RBFOX1: variants seen among roughly 807,000 people sequenced by gnomAD.
RBFOX1 encodes RNA binding protein fox-1 homolog 1.
RBFOX1 carries 8 observed loss-of-function variants against 57.7 expected under a neutral mutation model. That is an observed-to-expected ratio of 0.14 (90% CI 0.08 to 0.25). The LOEUF (loss-of-function observed/expected upper bound fraction) is 0.25, where lower values mean the gene tolerates loss of function less well. RBFOX1 is among the 10% of genes least tolerant of loss of function. RBFOX1 has a pLI of 1.00. For synonymous variants in RBFOX1, 326 were observed against 222.4 expected (o/e 1.47, Z -4.15); for missense variants, 611 against 548.5 (o/e 1.11, Z -1.14).
At chr16:7,611,992 A>G (rs1278934429) in intron 10 of RBFOX1, among the ~76,000 whole-genome samples, 1 of 152,098 alleles carries the variant, frequency 6.6e-6, no homozygotes, top group East Asian at 1.9e-4. Context: ...TTTCTTCTAA[A>G]ATCTAATCAT....
rs1352267208 is a variant in RBFOX1 at position 6,275,889 on chromosome 16, C to G, written c.-126-41106C>G. 2.6e-5 allele frequency among the ~76,000 whole-genome samples: 4 copies of G among 152,244 alleles called. No individual in the cohort carries two copies. The East Asian group carries it at 5.8e-4, about 22-fold the overall frequency. ...TAAACAATTTTGTCATCACCATTTACCAAATAACCCTAATACTTCCCTCCC... is the reference window on the plus strand; with the variant it reads ...TAAACAATTTTGTCATCACCATTTAGCAAATAACCCTAATACTTCCCTCCC... On this transcript the variant is annotated intron_variant, in intron 1 of 15. Transcript: ENST00000550418.
chr16:7,052,252 G>C (rs879917716), intron 4 of RBFOX1, among the ~76,000 whole-genome samples, 154 bp downstream of exon 4: 2 of 152,180 alleles, frequency 1.3e-5, no homozygotes, highest in Non-Finnish European at 2.9e-5. Context: ...ATTTAGTATT[G>C]ATTGAGCTGT....
intron 1 of RBFOX1, among the ~76,000 whole-genome samples, chr16:6,137,417 G>T (rs1426927923): frequency 6.6e-6 from 1 of 152,020 alleles, no homozygotes; most frequent in African/African-American, 2.4e-5. Flanking sequence ...TGATTCTCCT[G>T]CCTCAGTTTC....
At chr16:5,796,016 A>G (rs1398522691) in intron 3 of RBFOX1, among the ~76,000 whole-genome samples, 1 of 152,216 alleles carries the variant, frequency 6.6e-6, no homozygotes, top group Non-Finnish European at 1.5e-5. Flanking sequence ...GGGCTGTGCA[A>G]TGCATTGTAG....
chr16:5,935,113 C>G (rs1289607168), intron 4 of RBFOX1, among the ~76,000 whole-genome samples: 1 of 152,200 alleles, frequency 6.6e-6, no homozygotes, highest in Non-Finnish European at 1.5e-5. Flanking sequence ...GCTTTGCAAA[C>G]CTCCTGGCCT....
At chr16:5,966,998 G>C in intron 4 of RBFOX1, among the ~76,000 whole-genome samples, 1 of 136,452 alleles carries the variant, frequency 7.3e-6, no homozygotes, top group Non-Finnish European at 1.6e-5. Context: ...AATCGGGGGG[G>C]GGGGGGTCAA....
chr16:5,448,290 G>T (rs576773294), intron 1 of RBFOX1, among the ~76,000 whole-genome samples: 2 of 152,068 alleles, frequency 1.3e-5, no homozygotes, highest in Non-Finnish European at 2.9e-5. Flanking sequence ...ACTCTAAACT[G>T]TTCCTCAAAC....
intron 4 of RBFOX1, among the ~76,000 whole-genome samples, chr16:5,906,613 G>T (rs1391388990): frequency 6.6e-6 from 1 of 151,998 alleles, no homozygotes; most frequent in African/African-American, 2.4e-5. Flanking sequence ...TTTCATGGGA[G>T]TGCTCCTGGA....
At chr16:6,233,432 C>T (rs1291383164) in intron 1 of RBFOX1, among the ~76,000 whole-genome samples, 1 of 152,098 alleles carries the variant, frequency 6.6e-6, no homozygotes, top group Non-Finnish European at 1.5e-5. Context: ...CACCTCCACA[C>T]CGCAACCCAA....
chr16:7,280,960 C>T (rs1236044402), intron 4 of RBFOX1, among the ~76,000 whole-genome samples: 4 of 92,454 alleles, frequency 4.3e-5, no homozygotes, highest in African/African-American at 1.3e-4. Context: ...TACCTACCTC[C>T]CTCCCTCCCT....
intron 4 of RBFOX1, among the ~76,000 whole-genome samples, chr16:7,081,276 C>T (rs2059154868): frequency 1.3e-5 from 2 of 152,200 alleles, no homozygotes; most frequent in Admixed American, 1.3e-4. Context: ...CTCAAGTGAT[C>T]CACCAGCCTT....
Position 7,276,548 on chromosome 16 carries a change from T to C in RBFOX1, c.27+224450T>C, listed in dbSNP as rs565476200. Among the ~76,000 whole-genome samples, 15 of 152,160 alleles carry C rather than the reference T, an allele frequency of 9.9e-5. No homozygotes were observed. In the East Asian group the frequency reaches 2.5e-3, roughly 25 times the overall value. On this transcript the variant is annotated intron_variant, in intron 4 of 15. Transcript: ENST00000550418. Reference sequence around the variant, plus strand: ...AATCTAAGTAGGAGGCTTCTATCCTTGACTGATTTTTTTTTAAATTTTTCT... The same window carrying C: ...AATCTAAGTAGGAGGCTTCTATCCTCGACTGATTTTTTTTTAAATTTTTCT...
intron 1 of RBFOX1, among the ~76,000 whole-genome samples, chr16:5,280,886 C>A (rs2063256389): frequency 6.6e-6 from 1 of 151,582 alleles, no homozygotes; most frequent in South Asian, 2.1e-4. Flanking sequence ...TTCAAAAAAC[C>A]AACTTTTATC....
intron 1 of RBFOX1, among the ~76,000 whole-genome samples, chr16:6,234,148 C>G (rs933478): frequency 0.64 from 96,957 of 151,968 alleles, 31,723 homozygotes; most frequent in East Asian, 0.77. Context: ...CCTCTTAAAG[C>G]CCCCACCTCT....
At chr16:6,120,672 A>G (rs1160386769) in intron 1 of RBFOX1, among the ~76,000 whole-genome samples, 1 of 152,202 alleles carries the variant, frequency 6.6e-6, no homozygotes, top group East Asian at 1.9e-4. Context: ...AATTATTAAT[A>G]TTAATTTTCC....
intron 4 of RBFOX1, chr16:7,304,432 G>A (rs980877838): frequency 1.0e-6 from 1 of 985,272 alleles, no homozygotes; most frequent in African/African-American, 1.7e-5. Flanking sequence ...GCTCCCCAAC[G>A]TGGGCATGTG....
At chr16:6,422,283 A>C (rs1032170898) in intron 2 of RBFOX1, among the ~76,000 whole-genome samples, 1 of 149,178 alleles carries the variant, frequency 6.7e-6, no homozygotes, top group Non-Finnish European at 1.5e-5. Context: ...ATGTAGGTGC[A>C]GGTTTGTTAC....
intron 4 of RBFOX1, among the ~76,000 whole-genome samples, chr16:7,470,269 C>G (rs2061328614): frequency 1.3e-5 from 2 of 152,232 alleles, no homozygotes; most frequent in Admixed American, 1.3e-4. Flanking sequence ...TAGACTTCCA[C>G]ATCCTTAGTG....
At chr16:7,393,850 A>G (rs1165548153) in intron 4 of RBFOX1, among the ~76,000 whole-genome samples, 2 of 152,134 alleles carry the variant, frequency 1.3e-5, no homozygotes, top group Admixed American at 1.3e-4. Context: ...TCAGAGAAGA[A>G]TTCAGGTTGT....
Sources: gnomAD v4.1 joint callset for allele counts (sites outside exome capture counted in the v4.1 genomes callset) on GRCh38, gnomAD v4.1.1 for gene constraint, MANE v1.5 for transcripts, NCBI Gene and HGNC (gene_info 2026-07-23, HGNC 2026-07-21) for gene names.